VARS2: variants seen among roughly 807,000 people sequenced by gnomAD.
VARS2 encodes the protein valyl-tRNA synthetase 2, mitochondrial, also known as valine--tRNA ligase, mitochondrial.
Under a neutral mutation model 154.1 loss-of-function variants are expected in VARS2, and 105 were observed. The observed-to-expected ratio is 0.68, with a 90% CI of 0.58 to 0.80. The LOEUF (loss-of-function observed/expected upper bound fraction) is 0.80, where lower values mean the gene tolerates loss of function less well. VARS2 is among the 30% of genes least tolerant of loss of function. VARS2 has a pLI of 0.00. For missense variants in VARS2, 1,157 were observed against 1,361.4 expected (o/e 0.85, Z 2.36); for synonymous variants, 483 against 539.5 (o/e 0.90, Z 1.45).
intron 1 of VARS2, 193 bp downstream of exon 1, chr6:30,914,537 CCT>C (rs1452085522): frequency 3.7e-6 from 5 of 1,344,682 alleles, no homozygotes; most frequent in Non-Finnish European, 4.8e-6. Context: ...CCATCATCTC[CCT>C]GAGTTTCTGA....
rs375723538 is a variant in VARS2 at position 30,921,333 on chromosome 6, C to T, written c.1632+28C>T. 6.8e-6 allele frequency: 11 copies of T among 1,613,570 alleles called. No homozygotes were observed. The highest frequency in any genetic ancestry group is 5.3e-5 in the African/African-American group (4 of 74,904). ...GGGTAGGAAGAAGCACCCGGAGGGC[C>T]GAGTGTGGCACAGAGCACCTAGCCC... On this transcript the variant is annotated intron_variant, in intron 17 of 29. Transcript: ENST00000676266. This position sits in a 1 kb window ranked among gnomAD's most constrained non-coding sequence, Gnocchi z 4.6.
At position 30,921,548 on chromosome 6, in the gene VARS2, T is replaced by C; in HGVS notation, c.1633-41T>C. 1 of 1,574,312 alleles carries C rather than the reference T, an allele frequency of 6.4e-7. No homozygotes were observed. The highest frequency in any genetic ancestry group is 1.2e-5 in the South Asian group (1 of 86,144). On this transcript the variant is annotated intron_variant, in intron 17 of 29. Coordinates refer to ENST00000676266, the MANE Select transcript of VARS2 (RefSeq NM_020442.6). The surrounding 1 kb of genome is among the most constrained non-coding windows in gnomAD (Gnocchi z 4.6). ...CCAAGTGACATTTACACCTGTCAGC[T>C]GTTCTTCCTCACTCTCCCCAACCCC...
At position 30,923,771 on chromosome 6, in the gene VARS2, G is replaced by C. The variant is rs374584909; in HGVS notation, c.2466+266G>C. Reference sequence around the variant, plus strand: ...TGACAAGTCGGTGTCAGAAGGCAGAGGGGAATTTTTTCAGTCCCTGTAGTT... The same window carrying C: ...TGACAAGTCGGTGTCAGAAGGCAGACGGGAATTTTTTCAGTCCCTGTAGTT... On this transcript the variant is annotated intron_variant, in intron 25 of 29. Transcript: ENST00000676266. 7.1e-5 allele frequency: 38 copies of C among 531,706 alleles called. No individual in the cohort carries two copies. The East Asian group carries it at 1.2e-3, about 16-fold the overall frequency. 32.9% of individuals were successfully genotyped at this position (531,706 alleles called of 1,614,324 possible). A position where few individuals can be genotyped will look rare whatever the true frequency, so the allele number is the denominator to read the frequency against.
At chr6:30,925,194 G>T in intron 26 of VARS2, 80 bp from the exon 27 acceptor site, 1 of 1,010,270 alleles carries the variant, frequency 9.9e-7, no homozygotes, top group Non-Finnish European at 1.5e-6. Context: ...GGGGTGGATG[G>T]GTCGAGAAGA....
At position 30,920,659 on chromosome 6, in the gene VARS2, C is replaced by G; in HGVS notation, c.1398-9C>G. The stretch of plus-strand genomic sequence containing the variant: ...GAAGAGCAGTGGACTCACCCTGTCT[C>G]TCTTTCAGCCGTTCTGGGGATGTGA... On this transcript the variant is annotated splice_polypyrimidine_tract_variant and intron_variant, in intron 14 of 29. Coordinates refer to ENST00000676266, the MANE Select transcript of VARS2 (RefSeq NM_020442.6). The surrounding 1 kb of genome is among the most constrained non-coding windows in gnomAD (Gnocchi z 4.6). 1 of 1,565,778 alleles carries G rather than the reference C, an allele frequency of 6.4e-7. No homozygotes were observed. The highest frequency in any genetic ancestry group is 8.7e-7 in the Non-Finnish European group (1 of 1,154,966).
chr6:30,926,098 T>C lies in VARS2; in HGVS notation c.3091-11T>C. ...ATTCCTGGATCCTCACCTCCTTTTC[T>C]CCTCGTCCAGCTTTCTTCCCTCCAG... On this transcript the variant is annotated splice_polypyrimidine_tract_variant and intron_variant, in intron 29 of 29. Transcript: ENST00000676266. 1 of 1,613,048 alleles carries C rather than the reference T, an allele frequency of 6.2e-7. No homozygotes were observed. The highest frequency in any genetic ancestry group is 1.3e-5 in the African/African-American group (1 of 75,052).
chr6:30,917,268 A>C lies in VARS2; in HGVS notation c.873+44A>C. ...AGCAGGTTTGTGAGAGCTCTGAGGC[A>C]GAGTGGTCAATGATTAAGAGCTCAG... On this transcript the variant is annotated intron_variant, in intron 9 of 29. Coordinates refer to ENST00000676266, the MANE Select transcript of VARS2 (RefSeq NM_020442.6). This position sits in a 1 kb window ranked among gnomAD's most constrained non-coding sequence, Gnocchi z 4.4. 1 of 1,613,442 alleles carries C rather than the reference A, an allele frequency of 6.2e-7. No individual in the cohort carries two copies. The highest frequency in any genetic ancestry group is 8.5e-7 in the Non-Finnish European group (1 of 1,179,932).
chr6:30,922,871 C>G, intron 22 of VARS2, 27 bp from the exon 23 acceptor site: 1 of 1,587,562 alleles, frequency 6.3e-7, no homozygotes, highest in South Asian at 1.1e-5. Context: ...AAGGCATCTG[C>G]CACCCTTCTT....
chr6:30,915,518 C>T, intron 4 of VARS2, 63 bp downstream of exon 4: 1 of 1,528,924 alleles, frequency 6.5e-7, no homozygotes, highest in African/African-American at 1.4e-5. Flanking sequence ...TTGAATACAA[C>T]TGGACCTCAG....
In VARS2 at chr6:30,921,573, C is replaced by T. The variant is rs749134054; in HGVS notation, c.1633-16C>T. The T allele has an allele frequency of 3.1e-6, 5 of 1,595,696 alleles. No homozygotes were observed. Among genetic ancestry groups the T allele is most frequent in the Admixed American group, 1.8e-5 (1 of 55,722 alleles). ...TGTTCTTCCTCACTCTCCCCAACCC[C>T]TTCCTACTTTTGCAGGGAGAAGAGG... On this transcript the variant is annotated splice_polypyrimidine_tract_variant and intron_variant, in intron 17 of 29. Coordinates refer to ENST00000676266, the MANE Select transcript of VARS2 (RefSeq NM_020442.6). This position sits in a 1 kb window ranked among gnomAD's most constrained non-coding sequence, Gnocchi z 4.6.
intron 25 of VARS2, 52 bp from the exon 26 acceptor site, chr6:30,924,302 G>C (rs1299406457): frequency 6.3e-7 from 1 of 1,593,326 alleles, no homozygotes; most frequent in Admixed American, 1.7e-5. Flanking sequence ...TGGCTGTAGG[G>C]AGGAGGGCTG....
At position 30,925,864 on chromosome 6, in the gene VARS2, C is replaced by T. The variant is rs757017104; in HGVS notation, c.2962-16C>T. 6.2e-7 allele frequency: 1 copy of T among 1,612,348 alleles called. No individual in the cohort carries two copies. Among genetic ancestry groups the T allele is most frequent in the Non-Finnish European group, 8.5e-7 (1 of 1,180,010 alleles). ...GCAGGCGGATGTCTGAGCCTTTTCTCCCTGTTCTTCCCCAGGGCCTGGTGG... is the reference window on the plus strand; with the variant it reads ...GCAGGCGGATGTCTGAGCCTTTTCTTCCTGTTCTTCCCCAGGGCCTGGTGG... On this transcript the variant is annotated splice_polypyrimidine_tract_variant and intron_variant, in intron 28 of 29. Transcript: ENST00000676266.
Position 30,921,673 on chromosome 6 carries a change from G to A in VARS2, c.1717G>A (p.Glu573Lys), listed in dbSNP as rs1466243135. Residue 573 changes from glutamate to lysine, a missense_variant, in exon 18 of 30, where the codon GAG becomes AAG. By Grantham distance (56) the Glu-to-Lys change is moderately conservative. Transcript: ENST00000676266. This position sits in a 1 kb window ranked among gnomAD's most constrained non-coding sequence, Gnocchi z 4.6. Reference protein sequence around the residue: ...AAELTGRPGAELTLERDPDVL... With the variant: ...AAELTGRPGAKLTLERDPDVL... ...GGAACTGACAGGGAGGCCAGGGGCAGAGCTGACCCTGGAGAGGGGTGAGTG... is the reference window on the plus strand; with the variant it reads ...GGAACTGACAGGGAGGCCAGGGGCAAAGCTGACCCTGGAGAGGGGTGAGTG... 1 of 1,606,628 alleles carries A rather than the reference G, an allele frequency of 6.2e-7. No individual in the cohort carries two copies. The highest frequency in any genetic ancestry group is 2.2e-5 in the East Asian group (1 of 44,716).
chr6:30,922,283 T>C, intron 20 of VARS2, 42 bp downstream of exon 20: 4 of 1,598,834 alleles, frequency 2.5e-6, no homozygotes, highest in Middle Eastern at 1.7e-4. Context: ...GTGACTCCAG[T>C]GTTCCCCAAA....
At position 30,917,606 on chromosome 6, in the gene VARS2, C is replaced by A; in HGVS notation, c.874-89C>A. 3 of 1,250,456 alleles carry A rather than the reference C, an allele frequency of 2.4e-6. No individual in the cohort carries two copies. The highest frequency in any genetic ancestry group is 2.6e-5 in the Admixed American group (1 of 38,058). 77.5% of individuals were successfully genotyped at this position (1,250,456 alleles called of 1,614,324 possible). ...GGCTTTTAGATGGATTGCAGGGAGG[C>A]TGGGCAGATGGATGAGTGGCAGAGT... On this transcript the variant is annotated intron_variant, in intron 9 of 29. Coordinates refer to ENST00000676266, the MANE Select transcript of VARS2 (RefSeq NM_020442.6). This position sits in a 1 kb window ranked among gnomAD's most constrained non-coding sequence, Gnocchi z 4.4.
Position 30,919,909 on chromosome 6 carries a change from C to A in VARS2, c.1165+61C>A, listed in dbSNP as rs1276650680. 2.0e-6 allele frequency: 3 copies of A among 1,494,944 alleles called. No homozygotes were observed. The highest frequency in any genetic ancestry group is 2.7e-6 in the Non-Finnish European group (3 of 1,114,870). The allele number at this position is 1,494,944 out of a possible 1,614,324, so 92.6% of individuals were successfully genotyped here. Reference sequence around the variant, plus strand: ...GGTCCTGGAGGAGAGGGGAGGGAACCAGGAGGAAGAGGAAGGTGGGAGTGG... The same window carrying A: ...GGTCCTGGAGGAGAGGGGAGGGAACAAGGAGGAAGAGGAAGGTGGGAGTGG... On this transcript the variant is annotated intron_variant, in intron 12 of 29. Transcript: ENST00000676266. The surrounding 1 kb of genome is among the most constrained non-coding windows in gnomAD (Gnocchi z 4.5).
chr6:30,926,109 C>T lies in VARS2; in HGVS notation c.3091C>T (p.Leu1031Phe). The part of the protein sequence containing the change: ...GEAGTQRQQK[L>F]SSLQLELSKL... ...CTCACCTCCTTTTCTCCTCGTCCAG[C>T]TTTCTTCCCTCCAGCTGGAATTGTC... The change falls in exon 30 of 30, where the codon CTT becomes TTT. Residue 1031 changes from leucine to phenylalanine, a missense_variant and splice_region_variant. Transcript: ENST00000676266. 1 of 1,613,098 alleles carries T rather than the reference C, an allele frequency of 6.2e-7. No homozygotes were observed. The highest frequency in any genetic ancestry group is 1.1e-5 in the South Asian group (1 of 91,086).
In VARS2 at chr6:30,915,829, C is replaced by G. The variant is rs781736453; in HGVS notation, c.468C>G (p.His156Gln). 6.2e-6 allele frequency: 10 copies of G among 1,614,112 alleles called. No individual in the cohort carries two copies. Among genetic ancestry groups the G allele is most frequent in the Non-Finnish European group, 8.5e-6 (10 of 1,180,050 alleles). The change falls in exon 5 of 30, where the codon CAC (histidine) becomes CAG (glutamine). Residue 156 changes from histidine to glutamine, a missense_variant. Physicochemically the swap from His to Gln is conservative, Grantham distance 24 (BLOSUM62 0). Transcript: ENST00000676266. ...PNVTGSLHIG[H>Q]ALTVAIQDAL... ...TCACTGGCTCCCTGCACATTGGCCA[C>G]GCACTCACGGTGGCCATACAGGATG... is the stretch of plus-strand genomic sequence containing the variant.
chr6:30,919,861 C>A lies in VARS2; in HGVS notation c.1165+13C>A. ...CATGTGGGCACGGGTGAGTGGAAGT[C>A]AGGGGAGGGAGAGAAAGTTGGGGGT... On this transcript the variant is annotated intron_variant, in intron 12 of 29. Coordinates refer to ENST00000676266, the MANE Select transcript of VARS2 (RefSeq NM_020442.6). The surrounding 1 kb of genome is among the most constrained non-coding windows in gnomAD (Gnocchi z 4.5). 1 of 1,546,168 alleles carries A rather than the reference C, an allele frequency of 6.5e-7. No homozygotes were observed.
Sources: gnomAD v4.1 joint callset for allele counts on GRCh38, gnomAD v4.1.1 for gene constraint, Gnocchi (gnomAD v3.1) non-coding constraint, MANE v1.5 for transcripts, NCBI Gene and HGNC (gene_info 2026-07-23, HGNC 2026-07-21) for gene names.